Variants in AKT2 observed in about 807,000 individuals in gnomAD.
AKT2 encodes RAC-beta serine/threonine-protein kinase.
Under a neutral mutation model 58.6 loss-of-function variants are expected in AKT2, and 16 were observed. That is an observed-to-expected ratio of 0.27 (90% CI 0.18 to 0.41). The LOEUF (loss-of-function observed/expected upper bound fraction) is 0.41, where lower values mean the gene tolerates loss of function less well. Among genes scored for constraint, AKT2 ranks in the 10% least tolerant of loss-of-function variants. The probability of loss-of-function intolerance (pLI) is 1.00; values close to 1 mark genes in which losing one functional copy is unlikely to be tolerated. For missense variants in AKT2, 438 were observed against 661.0 expected (o/e 0.66, Z 3.70); for synonymous variants, 253 against 254.0 (o/e 1.00, Z 0.04).
chr19:40,285,069 G>A (rs1312368791), intron 1 of AKT2, 112 bp downstream of exon 1: 3 of 386,868 alleles, frequency 7.8e-6, no homozygotes, highest in Non-Finnish European at 1.4e-5. Flanking sequence ...GGGGCTCGAG[G>A]GCCGCGGTCC....
intron 1 of AKT2, chr19:40,275,292 C>A: frequency 2.2e-6 from 1 of 456,760 alleles, no homozygotes; most frequent in Non-Finnish European, 4.4e-6. Flanking sequence ...CGGGAGCCCT[C>A]CAGTTGGACT....
chr19:40,260,496 GGCGCACACCTGTAGTCCCA>G (rs1032012481), intron 2 of AKT2, among the ~76,000 whole-genome samples: 5 of 151,654 alleles, frequency 3.3e-5, no homozygotes, highest in African/African-American at 1.2e-4. Flanking sequence ...CAGGCATGGT[GGCGCACACCTGTAGTCCCA>G]GCTACTCAGG....
intron 1 of AKT2, among the ~76,000 whole-genome samples, chr19:40,280,292 A>G (rs899420865): frequency 3.3e-5 from 5 of 152,170 alleles, no homozygotes; most frequent in African/African-American, 7.2e-5. Context: ...AATCAGCCCA[A>G]TGAGCCTCCC....
At chr19:40,244,959 C>A (rs568855771) in intron 4 of AKT2, among the ~76,000 whole-genome samples, 1 of 152,358 alleles carries the variant, frequency 6.6e-6, no homozygotes, top group African/African-American at 2.4e-5. Flanking sequence ...CACAACGCAC[C>A]CTCTTCCACA....
In AKT2 at chr19:40,230,487, T is replaced by G. The variant is rs1452565380; in HGVS notation, c.*3385A>C. ...TGCAGCAGCTAAAAGGGAATCGCAC[T>G]GCCGCCCCCGACTCCACACAACCAT... On this transcript the variant is annotated 3_prime_UTR_variant, in exon 14 of 14. Transcript: ENST00000392038. 2 of 226,736 alleles carry G rather than the reference T, an allele frequency of 8.8e-6. No individual in the cohort carries two copies. Among genetic ancestry groups the G allele is most frequent in the Non-Finnish European group, 1.8e-5 (2 of 114,116 alleles). 14.0% of individuals were successfully genotyped at this position (226,736 alleles called of 1,614,324 possible).
At chr19:40,255,041 A>C in intron 4 of AKT2, 117 bp downstream of exon 4, 5 of 772,622 alleles carry the variant, frequency 6.5e-6, no homozygotes, top group South Asian at 1.4e-5. Flanking sequence ...CCCAACCAGA[A>C]GCGCAGATAG....
At chr19:40,254,455 G>C (rs1469346919) in intron 4 of AKT2, among the ~76,000 whole-genome samples, 1 of 151,600 alleles carries the variant, frequency 6.6e-6, no homozygotes, top group Admixed American at 6.6e-5. Flanking sequence ...TTGAACCCGG[G>C]AGGCGGAGGT....
chr19:40,284,496 T>C (rs1330611404), intron 1 of AKT2, among the ~76,000 whole-genome samples: 1 of 152,010 alleles, frequency 6.6e-6, no homozygotes, highest in Non-Finnish European at 1.5e-5. Context: ...AGAAGTTCAA[T>C]AAAGGCTGAG....
rs376638676 is a variant in AKT2 at position 40,235,245 on chromosome 19, G to A, written c.1263+18C>T. ...CCAGGTCCCTGAGGGTCCTGCTGGG[G>A]CAAGCAGTGGGGCTCACCTTCTTCT... On this transcript the variant is annotated intron_variant, in intron 12 of 13. Coordinates refer to ENST00000392038, the MANE Select transcript of AKT2 (RefSeq NM_001626.6). The surrounding 1 kb of genome is among the most constrained non-coding windows in gnomAD (Gnocchi z 6.3). 2.5e-6 allele frequency: 4 copies of A among 1,613,910 alleles called. No individual in the cohort carries two copies. Among genetic ancestry groups the A allele is most frequent in the Non-Finnish European group, 3.4e-6 (4 of 1,179,956 alleles).
Position 40,233,771 on chromosome 19 carries a change from G to T in AKT2, c.*101C>A. The T allele has an allele frequency of 8.8e-7, 1 of 1,137,794 alleles. No homozygotes were observed. The highest frequency in any genetic ancestry group is 1.2e-5 in the South Asian group (1 of 80,088). 70.5% of individuals were successfully genotyped at this position (1,137,794 alleles called of 1,614,324 possible). A position where few individuals can be genotyped will look rare whatever the true frequency, so the allele number is the denominator to read the frequency against. ...AACTGGAAAGGGGGTGAGGAGGTGG[G>T]GGTGGGGACACAAACCAAAAAGGCT... is the stretch of plus-strand genomic sequence containing the variant. On this transcript the variant is annotated 3_prime_UTR_variant, in exon 14 of 14. Coordinates refer to ENST00000392038, the MANE Select transcript of AKT2 (RefSeq NM_001626.6). The surrounding 1 kb of genome is among the most constrained non-coding windows in gnomAD (Gnocchi z 4.3).
intron 1 of AKT2, chr19:40,282,414 T>A (rs1458242370): frequency 2.0e-5 from 9 of 451,758 alleles, no homozygotes; most frequent in African/African-American, 6.0e-5. Flanking sequence ...CCTGCATGGC[T>A]CTCTTGCTGT....
Position 40,230,723 on chromosome 19 carries a change from T to A in AKT2, c.*3149A>T, listed in dbSNP as rs1973659885. 1 of 207,008 alleles carries A rather than the reference T, an allele frequency of 4.8e-6. No homozygotes were observed. The highest frequency in any genetic ancestry group is 7.2e-5 in the East Asian group (1 of 13,808). 12.8% of individuals were successfully genotyped at this position (207,008 alleles called of 1,614,324 possible). On this transcript the variant is annotated 3_prime_UTR_variant, in exon 14 of 14. Coordinates refer to ENST00000392038, the MANE Select transcript of AKT2 (RefSeq NM_001626.6). ...TTTAATAGCATGTATCATGTTTTTT[T>A]TTTTTTTATTTTTAGAGACACAGTC...
chr19:40,266,305 C>G (rs1392982118), intron 1 of AKT2: 2 of 152,270 alleles, frequency 1.3e-5, no homozygotes, highest in South Asian at 4.1e-4. Context: ...GCTACGGTGG[C>G]GCCCAGAGAA....
chr19:40,270,977 C>T lies in AKT2; in HGVS notation c.-84-5626G>A, dbSNP rs555969832. On this transcript the variant is annotated intron_variant, in intron 1 of 13. Coordinates refer to ENST00000392038, the MANE Select transcript of AKT2 (RefSeq NM_001626.6). ...GCAGTGAGCTATGACTACACCACCACACTCCAGCCTGGGAGACAGAGCAAA... is the reference window on the plus strand; with the variant it reads ...GCAGTGAGCTATGACTACACCACCATACTCCAGCCTGGGAGACAGAGCAAA... Among the ~76,000 whole-genome samples, 28 of 151,866 alleles carry T rather than the reference C, an allele frequency of 1.8e-4. No individual in the cohort carries two copies. In the South Asian group the frequency reaches 5.8e-3, roughly 32 times the overall value.
chr19:40,273,574 C>A (rs2077257409), intron 1 of AKT2: 1 of 151,774 alleles, frequency 6.6e-6, no homozygotes, highest in African/African-American at 2.4e-5. Context: ...CCTACACTCG[C>A]CCCATCTGTC....
At chr19:40,246,554 T>C (rs920448157) in intron 4 of AKT2, among the ~76,000 whole-genome samples, 1 of 152,158 alleles carries the variant, frequency 6.6e-6, no homozygotes, top group East Asian at 1.9e-4. Flanking sequence ...ACAGTGAAGA[T>C]ATTAAAAAGG....
At position 40,230,364 on chromosome 19, in the gene AKT2, G is replaced by A. The variant is rs911287398; in HGVS notation, c.*3508C>T. On this transcript the variant is annotated 3_prime_UTR_variant, in exon 14 of 14. Transcript: ENST00000392038. ...TACAGGACTGCTGGTAGCACCAAAC[G>A]AAACCAAGTCAATTCCTGTTAACGG... The A allele has an allele frequency of 7.3e-5, 16 of 217,692 alleles. No individual in the cohort carries two copies. Among genetic ancestry groups the A allele is most frequent in the Non-Finnish European group, 1.0e-4 (11 of 108,272 alleles). The allele number at this position is 217,692 out of a possible 1,614,324, so 13.5% of individuals were successfully genotyped here. A position where few individuals can be genotyped will look rare whatever the true frequency, so the allele number is the denominator to read the frequency against.
intron 2 of AKT2, among the ~76,000 whole-genome samples, chr19:40,263,734 T>C (rs1437446098): frequency 6.6e-6 from 1 of 152,186 alleles, no homozygotes; most frequent in Admixed American, 6.5e-5. Context: ...CTGCTCCCTG[T>C]CTGCGTCTGC....
At position 40,233,997 on chromosome 19, in the gene AKT2, C is replaced by T. The variant is rs769497331; in HGVS notation, c.1367-46G>A. The T allele has an allele frequency of 6.3e-7, 1 of 1,580,104 alleles. No individual in the cohort carries two copies. On this transcript the variant is annotated intron_variant, in intron 13 of 13. Coordinates refer to ENST00000392038, the MANE Select transcript of AKT2 (RefSeq NM_001626.6). This position sits in a 1 kb window ranked among gnomAD's most constrained non-coding sequence, Gnocchi z 4.3. ...TGGGGAGGACCAGTCAGGAGAGGGC[C>T]TGGGACACCTGCCCAGACTCCCTGG... is the stretch of plus-strand genomic sequence containing the variant.
Sources: gnomAD v4.1 joint callset for allele counts (sites outside exome capture counted in the v4.1 genomes callset) on GRCh38, gnomAD v4.1.1 for gene constraint, Gnocchi (gnomAD v3.1) non-coding constraint, MANE v1.5 for transcripts, NCBI Gene and HGNC (gene_info 2026-07-23, HGNC 2026-07-21) for gene names.